The following TMEM164 variants were observed in gnomAD, a reference collection of about 807,000 sequenced individuals.
TMEM164 encodes the protein RP13-360B22.2.
In TMEM164, 4 loss-of-function variants were observed where a neutral mutation model predicts 18.8. The observed-to-expected ratio is 0.21, with a 90% confidence interval of 0.10 to 0.49. TMEM164 has a LOEUF of 0.49. Ranked by LOEUF, TMEM164 falls within the 20% of genes least tolerant of loss-of-function variation. TMEM164 has a pLI of 0.98. For synonymous variants in TMEM164, 86 were observed against 101.7 expected (o/e 0.85, Z 0.93); for missense variants, 108 against 239.9 (o/e 0.45, Z 3.63).
At chrX:110,012,278 A>C (rs1488883958) in intron 2 of TMEM164, among the ~76,000 whole-genome samples, 1 of 111,525 alleles carries the variant, frequency 9.0e-6, no homozygotes, top group Admixed American at 9.5e-5. Flanking sequence ...AAGTCTGTCC[A>C]CCTGATCCAC....
At chrX:110,048,411 G>C (rs1445163606) in intron 2 of TMEM164, among the ~76,000 whole-genome samples, 2 of 112,060 alleles carry the variant, frequency 1.8e-5, no homozygotes, top group Non-Finnish European at 3.8e-5. Context: ...GACCATGTCT[G>C]TGTTACTCAC....
chrX:110,058,935 A>G (rs184080014), intron 2 of TMEM164, among the ~76,000 whole-genome samples: 1 of 109,684 alleles, frequency 9.1e-6, no homozygotes, highest in African/African-American at 3.3e-5. Context: ...TCAGTCTGGG[A>G]TGTCTTTTCA....
chrX:110,134,624 GC>G (rs1385203905), intron 4 of TMEM164, among the ~76,000 whole-genome samples: 1 of 98,481 alleles, frequency 1.0e-5, no homozygotes, highest in Non-Finnish European at 2.0e-5. Flanking sequence ...ATGCCCCCCT[GC>G]CCTTTCCATG....
intron 4 of TMEM164, among the ~76,000 whole-genome samples, chrX:110,114,864 A>G (rs1384794272): frequency 8.9e-6 from 1 of 112,018 alleles, no homozygotes; most frequent in East Asian, 2.8e-4. Context: ...AGCCTCAAGT[A>G]CATTATTATC....
chrX:110,137,029 C>T (rs1261497729), intron 4 of TMEM164, among the ~76,000 whole-genome samples: 2 of 112,165 alleles, frequency 1.8e-5, no homozygotes, highest in Non-Finnish European at 3.8e-5. Context: ...TGTTAGATTT[C>T]TATTCTAATA....
At chrX:110,016,650 G>C (rs1412040221) in intron 2 of TMEM164, among the ~76,000 whole-genome samples, 1 of 109,753 alleles carries the variant, frequency 9.1e-6, no homozygotes, top group Non-Finnish European at 1.9e-5. Flanking sequence ...GTTGTTTTTT[G>C]TTTCATGTAA....
At chrX:110,118,382 T>C (rs964499695) in intron 4 of TMEM164, among the ~76,000 whole-genome samples, 2 of 111,264 alleles carry the variant, frequency 1.8e-5, no homozygotes, top group African/African-American at 6.6e-5. Context: ...TTTAATAGGA[T>C]AAAAATATTG....
intron 3 of TMEM164, among the ~76,000 whole-genome samples, chrX:110,092,838 C>T (rs188118743): frequency 0.029 from 3,235 of 111,864 alleles, 123 homozygotes; most frequent in African/African-American, 0.1. Context: ...ATGATATTGG[C>T]TGTGGATTTC....
intron 4 of TMEM164, among the ~76,000 whole-genome samples, chrX:110,118,735 G>A (rs916951099): frequency 5.4e-5 from 6 of 111,005 alleles, no homozygotes; most frequent in African/African-American, 1.3e-4. Context: ...GTGTAATGGA[G>A]TCAAAGTCCG....
intron 2 of TMEM164, among the ~76,000 whole-genome samples, chrX:110,014,159 T>TGAC (rs386417394): frequency 9.0e-6 from 1 of 111,200 alleles, no homozygotes; most frequent in African/African-American, 3.3e-5. Flanking sequence ...ATGATGATGA[T>TGAC]GACGATGATG....
intron 4 of TMEM164, among the ~76,000 whole-genome samples, chrX:110,119,801 C>T (rs2066424483): frequency 8.9e-6 from 1 of 112,013 alleles, no homozygotes. Context: ...ACTACTATTA[C>T]TACTATTATC....
At chrX:110,046,299 C>G (rs1197537772) in intron 2 of TMEM164, 1 of 754,591 alleles carries the variant, frequency 1.3e-6, no homozygotes, top group Non-Finnish European at 1.6e-6. Context: ...AGGGGGCCTT[C>G]TTTATCCTAT....
intron 4 of TMEM164, among the ~76,000 whole-genome samples, chrX:110,144,042 G>C (rs1287431466): frequency 2.7e-5 from 3 of 111,829 alleles, no homozygotes; most frequent in Non-Finnish European, 5.6e-5. Flanking sequence ...AGAGAGATGG[G>C]AAACAGGAGC....
chrX:110,065,565 C>T, intron 2 of TMEM164: 1 of 111,066 alleles, frequency 9.0e-6, no homozygotes, highest in Non-Finnish European at 1.9e-5. Context: ...AAAATATTAG[C>T]TTTGTTTATT....
At chrX:110,138,215 A>C (rs753308919) in intron 4 of TMEM164, among the ~76,000 whole-genome samples, 1 of 112,537 alleles carries the variant, frequency 8.9e-6, no homozygotes, top group East Asian at 2.8e-4. Context: ...CCAGCATTTA[A>C]TGAGTACTTA....
intron 3 of TMEM164, among the ~76,000 whole-genome samples, chrX:110,073,414 T>C (rs994938134): frequency 8.9e-6 from 1 of 112,257 alleles, no homozygotes; most frequent in African/African-American, 3.2e-5. Flanking sequence ...TATTTGATTT[T>C]CTGTTTCTGT....
In TMEM164 at chrX:110,175,891, C is replaced by A. The variant is rs768257550; in HGVS notation, c.*2440C>A. On this transcript the variant is annotated 3_prime_UTR_variant, in exon 7 of 7. Coordinates refer to ENST00000372068, the MANE Select transcript of TMEM164 (RefSeq NM_032227.4). ...ACCCAACCAGACTCTTGGCAGCCTG[C>A]CTTACAGGGTAGCCCACCTTATAGG... 32 of 754,429 alleles carry A rather than the reference C, an allele frequency of 4.2e-5. No individual in the cohort carries two copies. The highest frequency in any genetic ancestry group is 5.0e-5 in the Non-Finnish European group (32 of 639,677). The allele number at this position is 754,429 out of a possible 1,213,427, so 62.2% of individuals were successfully genotyped here.
chrX:110,042,727 T>C (rs1602520623), intron 2 of TMEM164, among the ~76,000 whole-genome samples: 1 of 112,409 alleles, frequency 8.9e-6, no homozygotes, highest in Non-Finnish European at 1.9e-5. Context: ...CCTAGCAGTA[T>C]GAAGTGGTAT....
chrX:110,069,711 G>A (rs770044949), intron 3 of TMEM164, among the ~76,000 whole-genome samples: 2 of 108,861 alleles, frequency 1.8e-5, no homozygotes, highest in East Asian at 2.9e-4. Flanking sequence ...GAGCCACTGC[G>A]CCCAGCCTAT....
Sources: gnomAD v4.1 joint callset for allele counts (sites outside exome capture counted in the v4.1 genomes callset) on GRCh38, gnomAD v4.1.1 for gene constraint, MANE v1.5 for transcripts, NCBI Gene and HGNC (gene_info 2026-07-23, HGNC 2026-07-21) for gene names.